Variants in TTC3 observed in about 807,000 individuals in gnomAD.
The protein encoded by TTC3 is E3 ubiquitin-protein ligase TTC3.
TTC3 carries 180 observed loss-of-function variants against 249.6 expected under a neutral mutation model. The observed-to-expected ratio is 0.72, with a 90% CI of 0.64 to 0.82. The LOEUF (loss-of-function observed/expected upper bound fraction) is 0.82, where lower values mean the gene tolerates loss of function less well. TTC3 is among the 40% of genes least tolerant of loss of function. The pLI is 0.00. For synonymous variants in TTC3, 717 were observed against 805.0 expected (o/e 0.89, Z 1.85); for missense variants, 2,061 against 2,398.4 (o/e 0.86, Z 2.94).
chr21:37,188,345 T>C (rs1409906814), intron 38 of TTC3, 150 bp from the exon 39 acceptor site: 6 of 557,910 alleles, frequency 1.1e-5, no homozygotes, highest in Non-Finnish European at 1.9e-5. Context: ...TAATTCATGT[T>C]CACCTATGAT....
At chr21:37,087,706 T>C (rs1030788949) in intron 2 of TTC3, 127 bp from the exon 3 acceptor site, 15 of 806,350 alleles carry the variant, frequency 1.9e-5, no homozygotes, top group South Asian at 1.3e-4. Flanking sequence ...ACTCTTTGGC[T>C]GAAGATGTGT....
At chr21:37,116,339 A>G (rs2076141742) in intron 11 of TTC3, among the ~76,000 whole-genome samples, 1 of 152,204 alleles carries the variant, frequency 6.6e-6, no homozygotes, top group South Asian at 2.1e-4. Context: ...AGAGAGGGAA[A>G]GGAGATTGGA....
At chr21:37,150,205 A>T (rs757879458) in intron 24 of TTC3, 35 bp downstream of exon 24, 1 of 1,452,526 alleles carries the variant, frequency 6.9e-7, no homozygotes, top group Non-Finnish European at 9.6e-7. Context: ...TTAGATAGAT[A>T]ACCAAAATGT....
chr21:37,190,216 A>C (rs2083894202), intron 39 of TTC3, among the ~76,000 whole-genome samples: 1 of 132,904 alleles, frequency 7.5e-6, no homozygotes, highest in East Asian at 2.3e-4. Flanking sequence ...ATCTCGGCTC[A>C]CTGCAACCTC....
At chr21:37,121,827 G>C (rs1165884000) in exon 12 of TTC3, 2 of 1,590,552 alleles carry the variant, frequency 1.3e-6, no homozygotes, top group East Asian at 4.5e-5. Flanking sequence ...GGTCATTATC[G>C]TTATTGTGAT....
intron 34 of TTC3, 26 bp from the exon 35 acceptor site, chr21:37,172,569 T>C: frequency 6.3e-7 from 1 of 1,597,442 alleles, no homozygotes; most frequent in Non-Finnish European, 8.5e-7. Flanking sequence ...TGATTTTTAA[T>C]AGATTGTTTT....
At chr21:37,114,656 A>G (rs1395781172) in intron 11 of TTC3, among the ~76,000 whole-genome samples, 3 of 152,128 alleles carry the variant, frequency 2.0e-5, no homozygotes, top group Non-Finnish European at 4.4e-5. Context: ...TAGAAATACC[A>G]TTTGACCCAG....
At chr21:37,109,984 AC>A (rs1449123065) in intron 11 of TTC3, among the ~76,000 whole-genome samples, 6 of 152,128 alleles carry the variant, frequency 3.9e-5, no homozygotes, top group African/African-American at 1.4e-4. Context: ...ACTCCAACAG[AC>A]CTGCAGCTGA....
chr21:37,189,434 T>C (rs542684209), intron 39 of TTC3, among the ~76,000 whole-genome samples: 36 of 152,122 alleles, frequency 2.4e-4, no homozygotes, highest in African/African-American at 8.4e-4. Flanking sequence ...GTAGTAGATA[T>C]GGGGTTTCAC....
intron 11 of TTC3, among the ~76,000 whole-genome samples, chr21:37,114,296 A>G (rs1472108656): frequency 1.3e-5 from 2 of 152,132 alleles, no homozygotes; most frequent in Non-Finnish European, 2.9e-5. Context: ...TCATCTGACA[A>G]AGGGCTAATA....
chr21:37,197,815 G>T, intron 43 of TTC3, 67 bp from the exon 44 acceptor site: 1 of 1,568,356 alleles, frequency 6.4e-7, no homozygotes, highest in Non-Finnish European at 8.6e-7. Context: ...ACAGAAGATG[G>T]TCAAGTTGTT....
At chr21:37,195,875 G>GTTC in exon 42 of TTC3, 1 of 1,614,242 alleles carries the variant, frequency 6.2e-7, no homozygotes, top group Non-Finnish European at 8.5e-7. Flanking sequence ...AGCTGACAGG[G>GTTC]CCAAAACGGG....
At chr21:37,144,782 G>A in intron 21 of TTC3, 137 bp downstream of exon 21, 1 of 1,067,084 alleles carries the variant, frequency 9.4e-7, no homozygotes, top group Non-Finnish European at 1.3e-6. Context: ...ACTGTCTAAT[G>A]AGAATCTCTG....
Position 37,179,105 on chromosome 21 carries a change from C to T in TTC3, c.4618-3669C>T, listed in dbSNP as rs985492003. ...AGGGCGATGTGATGAGACCCTCACT[C>T]GCTACAAAAAAATTAAAAAATTAAA... On this transcript the variant is annotated intron_variant, in intron 35 of 45. Transcript: ENST00000355666. Among the ~76,000 whole-genome samples, 7 of 152,142 alleles carry T rather than the reference C, an allele frequency of 4.6e-5. No individual in the cohort carries two copies. In the East Asian group the frequency reaches 7.7e-4, roughly 17 times the overall value.
exon 44 of TTC3, chr21:37,197,954 T>C: frequency 1.2e-6 from 2 of 1,613,908 alleles, no homozygotes; most frequent in Non-Finnish European, 1.7e-6. Context: ...CTCCCAGGGC[T>C]CACCCTCGGT....
Position 37,188,485 on chromosome 21 carries a change from C to A in TTC3, c.4924-10C>A. ...GTAAAATACTCATATGTCTTCTGAT[C>A]TACTGGCAGGTATCCGTACTTGAAA... On this transcript the variant is annotated splice_polypyrimidine_tract_variant and intron_variant, in intron 38 of 45. Coordinates refer to ENST00000355666, the Ensembl canonical transcript of TTC3. 1 of 1,607,728 alleles carries A rather than the reference C, an allele frequency of 6.2e-7. No individual in the cohort carries two copies. Among genetic ancestry groups the A allele is most frequent in the Non-Finnish European group, 8.5e-7 (1 of 1,175,100 alleles).
intron 35 of TTC3, among the ~76,000 whole-genome samples, chr21:37,182,431 A>C (rs943120190): frequency 6.6e-6 from 1 of 152,252 alleles, no homozygotes; most frequent in Non-Finnish European, 1.5e-5. Context: ...AACAAAAACT[A>C]TTGGCCTTGC....
intron 44 of TTC3, 118 bp from the exon 45 acceptor site, chr21:37,200,114 G>A (rs567655120): frequency 2.6e-6 from 2 of 757,310 alleles, no homozygotes; most frequent in South Asian, 2.2e-5. Flanking sequence ...AGCTGTAATT[G>A]TGAATAATTT....
intron 27 of TTC3, among the ~76,000 whole-genome samples, chr21:37,155,713 G>A (rs2079992677): frequency 6.6e-6 from 1 of 152,114 alleles, no homozygotes; most frequent in Admixed American, 6.6e-5. Context: ...CATCAGGAGT[G>A]GGGCTTCACC....
Sources: allele counts gnomAD v4.1 joint callset (sites outside exome capture counted in the v4.1 genomes callset), GRCh38; gene constraint gnomAD v4.1.1; transcripts MANE v1.5; gene names NCBI Gene and HGNC (gene_info 2026-07-23, HGNC 2026-07-21).